Variants in CFAP46 observed in about 807,000 individuals in gnomAD.
CFAP46 encodes the protein cilia and flagella associated protein 46.
In CFAP46, 245 loss-of-function variants were observed where a neutral mutation model predicts 325.7. That is an observed-to-expected ratio of 0.75 (90% CI 0.68 to 0.84). The LOEUF (loss-of-function observed/expected upper bound fraction) is 0.84. Ranked by LOEUF, CFAP46 falls within the 40% of genes least tolerant of loss-of-function variation. The probability of loss-of-function intolerance (pLI) is 0.00; values close to 1 mark genes in which losing one functional copy is unlikely to be tolerated. For synonymous variants in CFAP46, 1,523 were observed against 1,495.9 expected (o/e 1.02, Z -0.42); for missense variants, 3,346 against 3,543.0 (o/e 0.94, Z 1.41).
intron 55 of CFAP46, among the ~76,000 whole-genome samples, chr10:132,812,158 G>T (rs1847593980): frequency 6.6e-6 from 1 of 152,226 alleles, no homozygotes; most frequent in Admixed American, 6.5e-5. Context: ...TGCGCCTGCT[G>T]TCTCCGTCAG....
At chr10:132,834,569 AG>A in intron 48 of CFAP46, 84 bp downstream of exon 48, 1 of 1,541,380 alleles carries the variant, frequency 6.5e-7, no homozygotes, top group South Asian at 1.2e-5. Flanking sequence ...AGGCACAGCA[AG>A]CACACGTGGT....
At chr10:132,813,226 T>A (rs894316350) in intron 54 of CFAP46, among the ~76,000 whole-genome samples, 4 of 152,018 alleles carry the variant, frequency 2.6e-5, no homozygotes, top group Non-Finnish European at 2.9e-5. Flanking sequence ...GCACCCCCAG[T>A]ACTCCAGGCA....
chr10:132,856,583 T>C (rs571573524), intron 39 of CFAP46, among the ~76,000 whole-genome samples: 2 of 152,322 alleles, frequency 1.3e-5, no homozygotes, highest in African/African-American at 2.4e-5. Flanking sequence ...CCTGCCATCA[T>C]TGTCATTCAC....
At position 132,867,447 on chromosome 10, in the gene CFAP46, G is replaced by C. The variant is rs761492424; in HGVS notation, c.4671C>G (p.Ser1557Arg). The change falls in exon 34 of 58, where the codon AGC becomes AGG. Residue 1557 changes from serine (S) to arginine (R), a missense_variant. Transcript: ENST00000368586. ...EKNKEPLLEE[S>R]LPALNEQTLP... is the part of the protein sequence containing the mutation. ...GTGTCTGCTCATTCAGTGCTGGCAG[G>C]CTTTCTTCTAATAAAGGCTCCTTAT... is the stretch of plus-strand genomic sequence containing the variant. 6.4e-7 allele frequency: 1 copy of C among 1,550,426 alleles called. No homozygotes were observed. Among genetic ancestry groups the C allele is most frequent in the Admixed American group, 2.0e-5 (1 of 50,982 alleles).
intron 9 of CFAP46, among the ~76,000 whole-genome samples, chr10:132,927,513 G>A (rs902379135): frequency 8.5e-5 from 13 of 152,224 alleles, no homozygotes; most frequent in Non-Finnish European, 1.3e-4. Context: ...CCTCGGTGCC[G>A]GCCAGGATGG....
intron 29 of CFAP46, among the ~76,000 whole-genome samples, chr10:132,878,695 T>G (rs1043196527): frequency 2.0e-5 from 3 of 151,200 alleles, no homozygotes; most frequent in Non-Finnish European, 3.0e-5. Context: ...TGGTGGGGGG[T>G]TAGCGTGGAG....
intron 24 of CFAP46, among the ~76,000 whole-genome samples, chr10:132,893,328 G>A (rs1251306032): frequency 6.6e-6 from 1 of 152,240 alleles, no homozygotes; most frequent in African/African-American, 2.4e-5. Flanking sequence ...GAGACAGCCA[G>A]GTGGGAAGGG....
chr10:132,939,852 G>A lies in CFAP46; in HGVS notation c.372-1099C>T, dbSNP rs1478593618. Among the ~76,000 whole-genome samples the A allele has an allele frequency of 6.6e-6, 1 of 152,170 alleles. No individual in the cohort carries two copies. Among genetic ancestry groups the A allele is most frequent in the Non-Finnish European group, 1.5e-5 (1 of 68,032 alleles). On this transcript the variant is annotated intron_variant, in intron 4 of 57. Transcript: ENST00000368586. The surrounding 1 kb of genome is among the most constrained non-coding windows in gnomAD (Gnocchi z 4.6). ...CCACTGTGGCCTCCACATGCCCGTG[G>A]TTGGGCTCACAGTCTCCTGTCCCAC...
At chr10:132,846,317 T>G in intron 43 of CFAP46, 90 bp from the exon 44 acceptor site, 1 of 1,458,382 alleles carries the variant, frequency 6.9e-7, no homozygotes, top group East Asian at 2.4e-5. Context: ...AGCTGCAGCC[T>G]GGGAGCAGGA....
At chr10:132,831,781 A>G (rs1284237129) in intron 50 of CFAP46, among the ~76,000 whole-genome samples, 2 of 149,616 alleles carry the variant, frequency 1.3e-5, no homozygotes, top group Non-Finnish European at 3.0e-5. Flanking sequence ...TGTTTTTCTT[A>G]TTTTTCCTAT....
Position 132,808,755 on chromosome 10 carries a change from G to T in CFAP46, c.7814C>A (p.Ala2605Asp). 1 of 1,581,432 alleles carries T rather than the reference G, an allele frequency of 6.3e-7. No homozygotes were observed. The highest frequency in any genetic ancestry group is 8.6e-7 in the Non-Finnish European group (1 of 1,163,962). The change falls in exon 58 of 58, where the codon GCC becomes GAC. Residue 2605 changes from alanine to aspartate, a missense_variant. Physicochemically the swap from Ala to Asp is moderately radical, Grantham distance 126. Transcript: ENST00000368586. This position sits in a 1 kb window ranked among gnomAD's most constrained non-coding sequence, Gnocchi z 6.8. ...GCCAAGGGCAGAGGCAAGTGCTGGG[G>T]CCCCAGCAGCTGATGGGAGGCAGGT... ...AWTCLPSAAGAPALASALGSA... is the reference protein window; with the variant it reads ...AWTCLPSAAGDPALASALGSA...
intron 50 of CFAP46, among the ~76,000 whole-genome samples, chr10:132,831,248 A>G (rs201711916): frequency 1.3e-5 from 1 of 75,652 alleles, no homozygotes; most frequent in Non-Finnish European, 2.6e-5. Flanking sequence ...GTGTGTGTGT[A>G]AAGTGTACAT....
intron 25 of CFAP46, among the ~76,000 whole-genome samples, chr10:132,887,092 T>C (rs371953664): frequency 1.2e-4 from 15 of 123,444 alleles, no homozygotes; most frequent in South Asian, 9.1e-4. Flanking sequence ...CTTCTCTCTC[T>C]CCTCTCCTCT....
intron 11 of CFAP46, 27 bp downstream of exon 11, chr10:132,924,669 A>C (rs1849779103): frequency 1.4e-6 from 2 of 1,455,120 alleles, no homozygotes; most frequent in African/African-American, 1.5e-5. Context: ...CCCTCTGTGG[A>C]GGACACAGCA....
At position 132,899,060 on chromosome 10, in the gene CFAP46, C is replaced by A; in HGVS notation, c.3118G>T (p.Ala1040Ser). The change falls in exon 24 of 58, where the codon GCC becomes TCC. Residue 1040 changes from alanine (A) to serine (S), a missense_variant. By Grantham distance (99) the Ala-to-Ser change is moderately conservative. Transcript: ENST00000368586. ...VMLAARHYWN[A>S]WLPLLSSAVY... ...GCTGAGGACAGCAGTGGGAGCCAGG[C>A]GTTCCAGTAATGCCGCGCGGCCAGC... 1 of 1,550,600 alleles carries A rather than the reference C, an allele frequency of 6.4e-7. No individual in the cohort carries two copies.
Position 132,919,993 on chromosome 10 carries a change from T to C in CFAP46, c.1730+66A>G, listed in dbSNP as rs139235253. ...GGGTCAGCTCAGCCGCCACAGACAC[T>C]GGCCCTCGGGCTGAGCGACCCCCGG... On this transcript the variant is annotated intron_variant, in intron 14 of 57. Transcript: ENST00000368586. The surrounding 1 kb of genome is among the most constrained non-coding windows in gnomAD (Gnocchi z 9.7). 0.024 allele frequency: 33,803 copies of C among 1,431,082 alleles called. 544 individuals are homozygous for C. The highest frequency in any genetic ancestry group is 0.023 in the Non-Finnish European group (25,075 of 1,090,500). 88.6% of individuals were successfully genotyped at this position (1,431,082 alleles called of 1,614,324 possible).
At chr10:132,934,349 C>A (rs1007043355) in intron 8 of CFAP46, among the ~76,000 whole-genome samples, 1 of 146,636 alleles carries the variant, frequency 6.8e-6, no homozygotes, top group Non-Finnish European at 1.5e-5. Flanking sequence ...TCCAGGATAC[C>A]AGCCCAGGAC....
chr10:132,824,591 GATGTGTGCT>G (rs61728585), intron 50 of CFAP46, among the ~76,000 whole-genome samples: 19 of 127,314 alleles, frequency 1.5e-4, no homozygotes, highest in African/African-American at 5.5e-4. Flanking sequence ...TGTGAGTGCT[GATGTGTGCT>G]GTGTGTGCTG....
chr10:132,919,424 C>T lies in CFAP46; in HGVS notation c.1749G>A (p.Glu583=). 6.5e-7 allele frequency: 1 copy of T among 1,550,050 alleles called. No homozygotes were observed. Among genetic ancestry groups the T allele is most frequent in the Non-Finnish European group, 8.7e-7 (1 of 1,146,874 alleles). ...NDKERIQIWA[E]LAKVARKQGV... The stretch of plus-strand genomic sequence containing the variant: ...CTTGTTTCCGGGCCACTTTGGCCAG[C>T]TCTGCCCAAATCTGTATCCTGCTCA... The change falls in exon 15 of 58, where the codon GAG becomes GAA. Residue 583 remains glutamate, a synonymous_variant. Coordinates refer to ENST00000368586, the MANE Select transcript of CFAP46 (RefSeq NM_001200049.3). The surrounding 1 kb of genome is among the most constrained non-coding windows in gnomAD (Gnocchi z 9.7).
Sources: gnomAD v4.1 joint callset for allele counts (sites outside exome capture counted in the v4.1 genomes callset) on GRCh38, gnomAD v4.1.1 for gene constraint, Gnocchi (gnomAD v3.1) non-coding constraint, MANE v1.5 for transcripts, NCBI Gene and HGNC (gene_info 2026-07-23, HGNC 2026-07-21) for gene names.